Variants in VPS13C observed in about 807,000 individuals in gnomAD.
VPS13C encodes the protein vacuolar protein sorting 13 homolog C.
Under a neutral mutation model 456.8 loss-of-function variants are expected in VPS13C, and 358 were observed. The ratio of observed to expected loss-of-function variants is 0.78; its 90% CI spans 0.72 to 0.86. VPS13C has a LOEUF of 0.86. Among genes scored for constraint, VPS13C ranks in the 40% least tolerant of loss-of-function variants. The pLI, the probability that VPS13C is intolerant of heterozygous loss-of-function variation, is 0.00. For missense variants in VPS13C, 4,818 were observed against 4,385.4 expected (o/e 1.10, Z -2.79); for synonymous variants, 1,578 against 1,486.7 (o/e 1.06, Z -1.41).
intron 39 of VPS13C, among the ~76,000 whole-genome samples, chr15:61,951,257 C>G (rs1462824607): frequency 6.6e-6 from 1 of 151,860 alleles, no homozygotes; most frequent in East Asian, 1.9e-4. Flanking sequence ...CTGGTATAAC[C>G]TATGGTACTA....
rs2047294303 is a variant in VPS13C, at chr15:62,017,381, AT to A, written c.684+3097del. Among the ~76,000 whole-genome samples, 7 of 152,186 alleles carry A rather than the reference AT, an allele frequency of 4.6e-5. No individual in the cohort carries two copies. In the South Asian group the frequency reaches 1.5e-3, roughly 32 times the overall value. The stretch of plus-strand genomic sequence containing the variant: ...TGCCCATGCCTATGTCCTGAATGGT[AT>A]TGCCTAGGTTTTCTTCTAGGGTTTT... On this transcript the variant is annotated intron_variant, in intron 9 of 84. Transcript: ENST00000644861.
At chr15:62,009,541 T>A (rs962527725) in intron 13 of VPS13C, among the ~76,000 whole-genome samples, 1 of 152,200 alleles carries the variant, frequency 6.6e-6, no homozygotes, top group Non-Finnish European at 1.5e-5. Flanking sequence ...TTATTATATG[T>A]TGATATGATT....
chr15:61,946,989 A>G (rs1344049181), intron 43 of VPS13C, among the ~76,000 whole-genome samples: 3 of 152,134 alleles, frequency 2.0e-5, no homozygotes, highest in Non-Finnish European at 4.4e-5. Context: ...TAGATAATGC[A>G]TAATGCATAA....
At chr15:61,959,696 T>C (rs2045130170) in intron 35 of VPS13C, 101 bp from the exon 36 acceptor site, 2 of 1,192,054 alleles carry the variant, frequency 1.7e-6, no homozygotes, top group South Asian at 1.7e-5. Flanking sequence ...CTCTAAATAC[T>C]GATCTGAAAC....
At chr15:62,017,797 A>G (rs1398456259) in intron 9 of VPS13C, among the ~76,000 whole-genome samples, 1 of 152,132 alleles carries the variant, frequency 6.6e-6, no homozygotes, top group Non-Finnish European at 1.5e-5. Flanking sequence ...ACGAACTTTA[A>G]AGTAGTTTTT....
At chr15:61,868,327 C>A (rs1003433503) in intron 81 of VPS13C, among the ~76,000 whole-genome samples, 10 of 151,718 alleles carry the variant, frequency 6.6e-5, no homozygotes, top group African/African-American at 2.4e-4. Context: ...GAAATGGAAG[C>A]AATGAAGTTC....
chr15:62,027,961 T>C (rs569428281), intron 6 of VPS13C, among the ~76,000 whole-genome samples: 2 of 152,172 alleles, frequency 1.3e-5, no homozygotes, highest in South Asian at 2.1e-4. Context: ...AATTCCACTT[T>C]ATTGCTTTTT....
chr15:61,991,938 T>A (rs562906149), intron 16 of VPS13C, 136 bp from the exon 17 acceptor site: 17 of 949,520 alleles, frequency 1.8e-5, no homozygotes, highest in Non-Finnish European at 2.3e-5. Flanking sequence ...AGATCTTAAA[T>A]GATGCTCACA....
In VPS13C at chr15:62,060,442, C is replaced by T; in HGVS notation, c.-68G>A. ...CGGCGCAGCTGAGGGCTGCGACCAG[C>T]GCTGCAAATGACAGCCCCTCCGGCG... On this transcript the variant is annotated 5_prime_UTR_variant, in exon 1 of 85. Coordinates refer to ENST00000644861, the MANE Select transcript of VPS13C (RefSeq NM_020821.3). 1.3e-6 allele frequency: 1 copy of T among 799,458 alleles called. No individual in the cohort carries two copies. Among genetic ancestry groups the T allele is most frequent in the Non-Finnish European group, 2.0e-6 (1 of 505,028 alleles). The allele number at this position is 799,458 out of a possible 1,614,324, so 49.5% of individuals were successfully genotyped here.
chr15:61,982,981 A>G (rs1358368259), intron 20 of VPS13C, among the ~76,000 whole-genome samples: 1 of 152,184 alleles, frequency 6.6e-6, no homozygotes, highest in African/African-American at 2.4e-5. Flanking sequence ...CCAAATTTAA[A>G]CTTTTAAAAA....
At chr15:61,901,290 C>T (rs897855296) in intron 66 of VPS13C, among the ~76,000 whole-genome samples, 3 of 152,028 alleles carry the variant, frequency 2.0e-5, no homozygotes, top group Admixed American at 6.5e-5. Flanking sequence ...AGCTTCTGCA[C>T]AGCAAAAGAA....
intron 66 of VPS13C, among the ~76,000 whole-genome samples, chr15:61,905,853 T>G (rs2043139162): frequency 6.6e-6 from 1 of 152,146 alleles, no homozygotes; most frequent in Non-Finnish European, 1.5e-5. Context: ...GAATACAGTT[T>G]CCCCTCTCCT....
intron 63 of VPS13C, among the ~76,000 whole-genome samples, chr15:61,911,554 C>T (rs2140147332): frequency 6.6e-6 from 1 of 152,192 alleles, no homozygotes; most frequent in South Asian, 2.1e-4. Flanking sequence ...ATGGAGACAC[C>T]ACACAGTACA....
intron 53 of VPS13C, 128 bp downstream of exon 53, chr15:61,925,328 T>G (rs568948035): frequency 2.2e-6 from 1 of 449,182 alleles, no homozygotes; most frequent in Admixed American, 4.3e-5. Context: ...AGTTACTGAT[T>G]ACTGAATATG....
At chr15:61,947,507 T>C (rs1031049501) in intron 42 of VPS13C, among the ~76,000 whole-genome samples, 198 bp from the exon 43 acceptor site, 65 of 152,194 alleles carry the variant, frequency 4.3e-4, no homozygotes, top group African/African-American at 1.5e-3. Context: ...ACGTTCCCCT[T>C]CAAATTAAGA....
chr15:62,015,470 G>C (rs1370956908), intron 9 of VPS13C, among the ~76,000 whole-genome samples: 3 of 151,718 alleles, frequency 2.0e-5, no homozygotes, highest in Non-Finnish European at 4.4e-5. Flanking sequence ...TTTTCTTCTA[G>C]GGTTTTTATG....
intron 15 of VPS13C, among the ~76,000 whole-genome samples, chr15:62,004,476 T>C (rs1414212992): frequency 6.6e-6 from 1 of 150,396 alleles, no homozygotes; most frequent in Non-Finnish European, 1.5e-5. Context: ...AACCAGCTCC[T>C]GGATTCATTA....
At chr15:61,861,808 A>G (rs1198488533) in intron 82 of VPS13C, among the ~76,000 whole-genome samples, 2 of 152,150 alleles carry the variant, frequency 1.3e-5, no homozygotes, top group African/African-American at 4.8e-5. Context: ...TGTTAGAAAG[A>G]GTCTACTAAG....
intron 46 of VPS13C, among the ~76,000 whole-genome samples, chr15:61,941,136 T>C (rs2044407338): frequency 6.6e-6 from 1 of 152,228 alleles, no homozygotes; most frequent in African/African-American, 2.4e-5. Context: ...CTCCTAAAAC[T>C]GGAAGATGAA....
Sources: allele counts gnomAD v4.1 joint callset (sites outside exome capture counted in the v4.1 genomes callset), GRCh38; gene constraint gnomAD v4.1.1; transcripts MANE v1.5; gene names NCBI Gene and HGNC (gene_info 2026-07-23, HGNC 2026-07-21).